RAD51C: variants seen among roughly 807,000 people sequenced by gnomAD.
RAD51C encodes RAD51 paralog C, also known as DNA repair protein RAD51 homolog 3.
Under a neutral mutation model 45.0 loss-of-function variants are expected in RAD51C, and 42 were observed. The observed-to-expected ratio is 0.93, with a 90% CI of 0.73 to 1.21. The LOEUF (loss-of-function observed/expected upper bound fraction) is 1.21. Ranked by LOEUF, RAD51C falls within the 50% of genes most tolerant of loss-of-function variation. The pLI, the probability that RAD51C is intolerant of heterozygous loss-of-function variation, is 0.00. For missense variants in RAD51C, 474 were observed against 452.2 expected, an observed-to-expected ratio of 1.05 and a Z score of -0.44; for synonymous variants, 172 against 159.8, an observed-to-expected ratio of 1.08 and a Z score of -0.58.
At chr17:58,713,311 C>T (rs1029517552) in intron 5 of RAD51C, among the ~76,000 whole-genome samples, 7 of 151,944 alleles carry the variant, frequency 4.6e-5, no homozygotes, top group South Asian at 2.1e-4. Context: ...ATGACTGTAG[C>T]ATAGGTTTTT....
At chr17:58,729,043 C>CT (rs1403053489) in intron 7 of RAD51C, among the ~76,000 whole-genome samples, 1 of 152,146 alleles carries the variant, frequency 6.6e-6, no homozygotes, top group East Asian at 1.9e-4. Context: ...GTGCTTCTGT[C>CT]TTATTTCTTC....
chr17:58,711,865 A>G (rs1447616391), intron 5 of RAD51C, among the ~76,000 whole-genome samples: 2 of 151,822 alleles, frequency 1.3e-5, no homozygotes, highest in East Asian at 3.8e-4. Flanking sequence ...TTTTTTCCCA[A>G]TTAACATATA....
Position 58,734,351 on chromosome 17 carries a change from ATGGG to A in RAD51C, c.*130_*133del. 1 of 1,448,082 alleles carries A rather than the reference ATGGG, an allele frequency of 6.9e-7. No homozygotes were observed. Among genetic ancestry groups the A allele is most frequent in the Admixed American group, 2.3e-5 (1 of 43,636 alleles). The allele number at this position is 1,448,082 out of a possible 1,614,324, so 89.7% of individuals were successfully genotyped here. ...AATGAATCCAGATCATATGAAGTGAATGGGAAAAATACCTAAATATGATTCTGTG... is the reference window on the plus strand; with the variant it reads ...AATGAATCCAGATCATATGAAGTGAAAAAAATACCTAAATATGATTCTGTG... On this transcript the variant is annotated 3_prime_UTR_variant, in exon 9 of 9. Coordinates refer to ENST00000337432, the MANE Select transcript of RAD51C (RefSeq NM_058216.3).
At chr17:58,697,130 T>C (rs933000639) in intron 3 of RAD51C, among the ~76,000 whole-genome samples, 5 of 152,200 alleles carry the variant, frequency 3.3e-5, no homozygotes, top group African/African-American at 1.2e-4. Context: ...TACTCCATCT[T>C]ATCAGGTGTA....
chr17:58,705,218 T>C (rs1163840397), intron 4 of RAD51C, among the ~76,000 whole-genome samples: 1 of 152,124 alleles, frequency 6.6e-6, no homozygotes, highest in South Asian at 2.1e-4. Flanking sequence ...ATCAAAGTTC[T>C]AGCTGATTCA....
chr17:58,721,347 T>C (rs2048911686), intron 6 of RAD51C, among the ~76,000 whole-genome samples: 1 of 152,000 alleles, frequency 6.6e-6, no homozygotes, highest in African/African-American at 2.4e-5. Context: ...GAGTTCACAG[T>C]GTTAGGGAGA....
intron 6 of RAD51C, 24 bp from the exon 7 acceptor site, chr17:58,724,016 A>T (rs2143960680): frequency 6.3e-7 from 1 of 1,589,138 alleles, no homozygotes; most frequent in Non-Finnish European, 8.6e-7. Context: ...GGCCATATAC[A>T]GTTATTATGT....
At chr17:58,693,133 T>C (rs578176557) in intron 1 of RAD51C, 75 of 303,240 alleles carry the variant, frequency 2.5e-4, no homozygotes, top group South Asian at 2.3e-3. Context: ...CTTTTCATGC[T>C]AACTGGGTTA....
intron 3 of RAD51C, among the ~76,000 whole-genome samples, chr17:58,698,406 G>A (rs1468742960): frequency 2.0e-5 from 3 of 150,624 alleles, no homozygotes; most frequent in South Asian, 2.1e-4. Context: ...GGATGGTCTC[G>A]ATCTCCTGAC....
intron 5 of RAD51C, among the ~76,000 whole-genome samples, chr17:58,712,086 C>T (rs567517848): frequency 2.6e-5 from 4 of 151,818 alleles, no homozygotes; most frequent in African/African-American, 9.6e-5. Flanking sequence ...CGGCGGCTCA[C>T]ATCTGTAATG....
In RAD51C at chr17:58,709,974, A is replaced by G. The variant is rs1598484851; in HGVS notation, c.821A>G (p.Asn274Ser). The G allele has an allele frequency of 6.2e-7, 1 of 1,613,056 alleles. No individual in the cohort carries two copies. Among genetic ancestry groups the G allele is most frequent in the Non-Finnish European group, 8.5e-7 (1 of 1,179,070 alleles). Residue 274 changes from asparagine (N) to serine (S), a missense_variant, in exon 5 of 9, where the codon AAT (asparagine) becomes AGT (serine). Asn to Ser is a conservative substitution (Grantham distance 46). Transcript: ENST00000337432. ...GLAQQMISLA[N>S]NHRLAVILTN... ...GCCCAGCAAATGATCAGCCTTGCAA[A>G]TAATCACAGATTAGCTGTAAGTATT...
At chr17:58,716,086 C>T (rs147194313) in intron 5 of RAD51C, among the ~76,000 whole-genome samples, 1,649 of 140,468 alleles carry the variant, frequency 0.012, 34 homozygotes, top group African/African-American at 0.042. Context: ...GCCTGAGCAA[C>T]AGAGCAAGAC....
chr17:58,729,958 CT>C (rs1482965138), intron 7 of RAD51C, among the ~76,000 whole-genome samples: 2 of 152,004 alleles, frequency 1.3e-5, no homozygotes, highest in East Asian at 3.9e-4. Flanking sequence ...TACTAGGCAC[CT>C]TTTTTGGACA....
At chr17:58,712,517 C>A (rs755975122) in intron 5 of RAD51C, among the ~76,000 whole-genome samples, 33 of 152,040 alleles carry the variant, frequency 2.2e-4, no homozygotes, top group Non-Finnish European at 3.7e-4. Context: ...TACAAACTTA[C>A]GTTTTAGAAA....
At chr17:58,693,984 C>G (rs1361378997) in intron 1 of RAD51C, 2 of 152,202 alleles carry the variant, frequency 1.3e-5, no homozygotes, top group African/African-American at 4.8e-5. Context: ...TAAGTGATGT[C>G]ATCCTCACCA....
At chr17:58,704,295 T>G (rs2048308479) in intron 4 of RAD51C, among the ~76,000 whole-genome samples, 1 of 152,060 alleles carries the variant, frequency 6.6e-6, no homozygotes, top group South Asian at 2.1e-4. Flanking sequence ...TTTAATTTGA[T>G]GGAGTCTGGC....
rs2143724957 is a variant in RAD51C, at chr17:58,695,119, G to C, written c.334G>C (p.Gly112Arg). 2.5e-6 allele frequency: 4 copies of C among 1,614,110 alleles called. No individual in the cohort carries two copies. Among genetic ancestry groups the C allele is most frequent in the African/African-American group, 1.3e-5 (1 of 75,034 alleles). The change falls in exon 2 of 9, where the codon GGG (glycine) becomes CGG (arginine). Residue 112 changes from glycine to arginine, a missense_variant. By Grantham distance (125) the Gly-to-Arg change is moderately radical. Transcript: ENST00000337432. ...CTGTTCAGCACTAGATGATATTCTT[G>C]GGGGTGGAGTGCCCTTAATGAAAAC... is the stretch of plus-strand genomic sequence containing the variant. Reference protein sequence around the residue: ...TFCSALDDILGGGVPLMKTTE... With the variant: ...TFCSALDDILRGGVPLMKTTE...
In RAD51C at chr17:58,709,994, A is replaced by G. The variant is rs561784579; in HGVS notation, c.837+4A>G. On this transcript the variant is annotated splice_donor_region_variant and intron_variant, in intron 5 of 8. Transcript: ENST00000337432. ...TGCAAATAATCACAGATTAGCTGTA[A>G]GTATTAACTAGTGAAGAGAGTTTTA... 1 of 1,610,290 alleles carries G rather than the reference A, an allele frequency of 6.2e-7. No homozygotes were observed. The highest frequency in any genetic ancestry group is 2.2e-5 in the East Asian group (1 of 44,840).
chr17:58,733,122 TCTC>T (rs777654746), intron 8 of RAD51C, among the ~76,000 whole-genome samples: 1 of 152,162 alleles, frequency 6.6e-6, no homozygotes, highest in Admixed American at 6.5e-5. Context: ...TTTAAGCAAT[TCTC>T]CTGCCTCAGC....
Sources: allele counts gnomAD v4.1 joint callset (sites outside exome capture counted in the v4.1 genomes callset), GRCh38; gene constraint gnomAD v4.1.1; transcripts MANE v1.5; gene names NCBI Gene and HGNC (gene_info 2026-07-23, HGNC 2026-07-21).